The following CCDC141 variants were observed in gnomAD, a reference collection of about 807,000 sequenced individuals.
The protein encoded by CCDC141 is coiled-coil domain containing 141.
In CCDC141, 168 loss-of-function variants were observed where a neutral mutation model predicts 181.0. That is an observed-to-expected ratio of 0.93 (90% CI 0.82 to 1.05). The LOEUF (loss-of-function observed/expected upper bound fraction) is 1.05. Among genes scored for constraint, CCDC141 ranks in the 50% least tolerant of loss-of-function variants. The pLI is 0.00. For synonymous variants in CCDC141, 666 were observed against 642.3 expected, an observed-to-expected ratio of 1.04 and a Z score of -0.56; for missense variants, 1,902 against 1,788.5, an observed-to-expected ratio of 1.06 and a Z score of -1.14.
At chr2:178,950,154 G>C (rs977370773) in intron 5 of CCDC141, among the ~76,000 whole-genome samples, 25 of 152,134 alleles carry the variant, frequency 1.6e-4, no homozygotes, top group Non-Finnish European at 1.3e-4. Flanking sequence ...ACAAAAAACT[G>C]ATAAAGGAAA....
intron 6 of CCDC141, among the ~76,000 whole-genome samples, chr2:178,919,420 T>C (rs1021105407): frequency 2.0e-5 from 3 of 152,112 alleles, no homozygotes; most frequent in Non-Finnish European, 2.9e-5. Flanking sequence ...CATGTAGATG[T>C]AGTGGGAAAA....
intron 2 of CCDC141, among the ~76,000 whole-genome samples, chr2:179,005,740 G>A (rs191142245): frequency 3.3e-5 from 5 of 152,046 alleles, no homozygotes; most frequent in African/African-American, 4.8e-5. Flanking sequence ...GACCCCCATA[G>A]CTGGGACTAT....
At chr2:178,873,039 AT>A (rs1686190028) in intron 12 of CCDC141, 1 of 152,164 alleles carries the variant, frequency 6.6e-6, no homozygotes, top group African/African-American at 2.4e-5. Context: ...TGCGTGCTTT[AT>A]TTCTGTAGAA....
At position 179,017,164 on chromosome 2, in the gene CCDC141, G is replaced by A. The variant is rs532636708; in HGVS notation, c.225+30120C>T. Among the ~76,000 whole-genome samples, 7 of 152,030 alleles carry A rather than the reference G, an allele frequency of 4.6e-5. No homozygotes were observed. In the South Asian group the frequency reaches 1.5e-3, roughly 32 times the overall value. On this transcript the variant is annotated intron_variant, in intron 2 of 23. Transcript: ENST00000443758. ...AAATAATTATTTACAACAAAAGAAA[G>A]TGCATACTGGTGGCCTGTTTATCCA...
rs557624903 is a variant in CCDC141 at position 178,834,499 on chromosome 2, G to C, written c.4326-59C>G. The C allele has an allele frequency of 1.3e-5, 19 of 1,509,482 alleles. No individual in the cohort carries two copies. The South Asian group carries it at 2.1e-4, about 17-fold the overall frequency. 93.5% of individuals were successfully genotyped at this position (1,509,482 alleles called of 1,614,324 possible). ...TGCTGTTTATTCACATTATTTCCAA[G>C]TTCTAATAATGCTTGCAAATAGGCC... On this transcript the variant is annotated intron_variant, in intron 23 of 23. Coordinates refer to ENST00000443758, the MANE Select transcript of CCDC141 (RefSeq NM_173648.4).
At chr2:179,010,809 G>T (rs1228116056) in intron 2 of CCDC141, among the ~76,000 whole-genome samples, 1 of 152,138 alleles carries the variant, frequency 6.6e-6, no homozygotes, top group South Asian at 2.1e-4. Context: ...GAATGCAACA[G>T]TACCTCATAT....
At chr2:178,870,301 A>C (rs1208146332) in intron 14 of CCDC141, among the ~76,000 whole-genome samples, 1 of 150,818 alleles carries the variant, frequency 6.6e-6, no homozygotes, top group Non-Finnish European at 1.5e-5. Flanking sequence ...TCAAGTGTAG[A>C]TCTTTTGTAT....
Position 179,010,984 on chromosome 2 carries a change from C to T in CCDC141, c.226-32309G>A, listed in dbSNP as rs185422606. ...CCAGCCTGGCCAACATGGTGAAACC[C>T]TGACTCTACTAAAGATACAAAAAAT... On this transcript the variant is annotated intron_variant, in intron 2 of 23. Transcript: ENST00000443758. Among the ~76,000 whole-genome samples the T allele has an allele frequency of 7.6e-4, 116 of 152,118 alleles. 2 individuals are homozygous for T. The East Asian group carries it at 0.021, about 27-fold the overall frequency.
chr2:178,893,929 C>T (rs748632121), intron 8 of CCDC141, among the ~76,000 whole-genome samples: 1 of 152,024 alleles, frequency 6.6e-6, no homozygotes, highest in Non-Finnish European at 1.5e-5. Context: ...GGTTCTTGTT[C>T]AGATGCATGT....
At chr2:178,826,241 G>T (rs12464215), downstream of CCDC141, among the ~76,000 whole-genome samples, 61,561 of 152,014 alleles carry the variant, frequency 0.4, 13,185 homozygotes, top group Non-Finnish European at 0.47. Flanking sequence ...TGATTGATTT[G>T]TGAATTTTGA....
chr2:178,952,780 C>T (rs528533250), intron 5 of CCDC141, among the ~76,000 whole-genome samples: 8 of 152,208 alleles, frequency 5.3e-5, no homozygotes, highest in Admixed American at 3.3e-4. Context: ...TGTTACTGAC[C>T]CAACGGTTTG....
At chr2:178,947,836 G>A (rs1326211412) in intron 5 of CCDC141, among the ~76,000 whole-genome samples, 2 of 152,148 alleles carry the variant, frequency 1.3e-5, no homozygotes, top group African/African-American at 4.8e-5. Flanking sequence ...CTTGAGACAT[G>A]CTCCACGTGT....
At chr2:178,863,887 T>A (rs996295193) in intron 17 of CCDC141, among the ~76,000 whole-genome samples, 1 of 152,228 alleles carries the variant, frequency 6.6e-6, no homozygotes, top group Non-Finnish European at 1.5e-5. Context: ...GGCTGCTCAT[T>A]CCTGACACGG....
intron 2 of CCDC141, among the ~76,000 whole-genome samples, chr2:179,007,872 C>T (rs111878193): frequency 6.6e-6 from 1 of 152,084 alleles, no homozygotes; most frequent in Admixed American, 6.5e-5. Flanking sequence ...AATTAACTAC[C>T]AATATTATGT....
intron 2 of CCDC141, among the ~76,000 whole-genome samples, chr2:179,039,891 T>C (rs879753811): frequency 5.3e-5 from 8 of 152,210 alleles, no homozygotes; most frequent in Non-Finnish European, 7.3e-5. Context: ...TTTTCATTAT[T>C]TTTAAAAGTC....
In CCDC141 at chr2:178,853,574, T is replaced by A. The variant is rs149198764; in HGVS notation, c.3111A>T (p.Lys1037Asn). Residue 1037 changes from lysine to asparagine, a missense_variant, in exon 20 of 24, where the codon AAA becomes AAT. Physicochemically the swap from Lys to Asn is moderately conservative, Grantham distance 94 (BLOSUM62 0). Transcript: ENST00000443758. ...CCTTTGTCTTGCACTCTGTGGAATA[T>A]TTTCCAACTCTTACAACTGTGGCAC... ...DASATVVRVG[K>N]YSTECKTKEA... 1,889 of 1,614,072 alleles carry A rather than the reference T, an allele frequency of 1.2e-3. 7 individuals carry two copies. The highest frequency in any genetic ancestry group is 1.1e-3 in the Non-Finnish European group (1,250 of 1,179,962).
chr2:178,999,595 A>G (rs954798436), intron 2 of CCDC141, among the ~76,000 whole-genome samples: 1 of 152,148 alleles, frequency 6.6e-6, no homozygotes, highest in African/African-American at 2.4e-5. Context: ...AGCATACCAA[A>G]TAAGATCCTC....
chr2:178,986,647 A>T (rs1691758048), intron 2 of CCDC141, among the ~76,000 whole-genome samples: 1 of 151,850 alleles, frequency 6.6e-6, no homozygotes, highest in South Asian at 2.1e-4. Flanking sequence ...ATGTGCAAAA[A>T]TCACAAGCAT....
At chr2:178,889,796 C>T (rs1291623382) in intron 8 of CCDC141, among the ~76,000 whole-genome samples, 1 of 152,152 alleles carries the variant, frequency 6.6e-6, no homozygotes, top group African/African-American at 2.4e-5. Context: ...ATTCCTGGCA[C>T]ATAATGTTTC....
Sources: gnomAD v4.1 joint callset for allele counts (sites outside exome capture counted in the v4.1 genomes callset) on GRCh38, gnomAD v4.1.1 for gene constraint, MANE v1.5 for transcripts, NCBI Gene and HGNC (gene_info 2026-07-23, HGNC 2026-07-21) for gene names.